Variants in LRIF1 observed in about 807,000 individuals in gnomAD.
LRIF1 encodes the protein ligand dependent nuclear receptor interacting factor 1, also known as ligand-dependent nuclear receptor-interacting factor 1.
A neutral mutation model predicts 52.7 loss-of-function variants in LRIF1; 32 were observed. That is an observed-to-expected ratio of 0.61 (90% CI 0.46 to 0.82). The LOEUF (loss-of-function observed/expected upper bound fraction) is 0.82. LRIF1 is among the 40% of genes least tolerant of loss of function. The pLI, the probability that LRIF1 is intolerant of heterozygous loss-of-function variation, is 0.00. For missense variants in LRIF1, 887 were observed against 892.0 expected (o/e 0.99, Z 0.07); for synonymous variants, 323 against 317.4 (o/e 1.02, Z -0.19).
chr1:110,908,617 A>T, the LRIF1 span, among the ~76,000 whole-genome samples: 1 of 152,214 alleles, frequency 6.6e-6, no homozygotes, highest in African/African-American at 2.4e-5. Flanking sequence ...TTAATATCAG[A>T]ATAGACCAAG....
chr1:110,948,016 C>T lies in LRIF1; in HGVS notation c.2253G>A (p.Val751=), dbSNP rs940212158. The part of the protein sequence containing the change: ...RDEKIRRLKQ[V]LREKEAALEE... ...CAAGAGCTGCTTCTTTCTCTCTCAGCACCTGCTTAAGTCTTCTTATTTTTT... is the reference window on the plus strand; with the variant it reads ...CAAGAGCTGCTTCTTTCTCTCTCAGTACCTGCTTAAGTCTTCTTATTTTTT... The change falls in exon 4 of 4, where the codon GTG becomes GTA. Residue 751 remains valine, a synonymous_variant. Transcript: ENST00000369763. 5.0e-6 allele frequency: 8 copies of T among 1,609,162 alleles called. No homozygotes were observed. The highest frequency in any genetic ancestry group is 3.4e-5 in the Admixed American group (2 of 59,204).
the LRIF1 span, among the ~76,000 whole-genome samples, chr1:110,886,845 CAA>C: frequency 5.1e-5 from 2 of 38,904 alleles, no homozygotes; most frequent in South Asian, 2.7e-3. Context: ...ACTCTGTCTC[CAA>C]TATATATATA....
chr1:110,949,158 G>C (rs965203624), intron 3 of LRIF1, among the ~76,000 whole-genome samples: 5 of 151,750 alleles, frequency 3.3e-5, no homozygotes, highest in African/African-American at 1.2e-4. Context: ...TCGTTCTGTT[G>C]CCAGACTGGA....
the LRIF1 span, among the ~76,000 whole-genome samples, chr1:110,913,713 C>T: frequency 6.6e-6 from 1 of 152,222 alleles, no homozygotes; most frequent in Non-Finnish European, 1.5e-5. Context: ...TTAGTTTAGC[C>T]ACTGTGGAAA....
the LRIF1 span, among the ~76,000 whole-genome samples, chr1:110,879,563 G>GT: frequency 2.5e-4 from 38 of 151,064 alleles, no homozygotes; most frequent in East Asian, 9.7e-4. Context: ...CTCTTACACT[G>GT]TTTTTTTTTC....
At chr1:110,903,319 C>T in the LRIF1 span, among the ~76,000 whole-genome samples, 2 of 152,170 alleles carry the variant, frequency 1.3e-5, no homozygotes, top group African/African-American at 2.4e-5. Context: ...TGGCATCACC[C>T]TTCCCCTAAC....
the LRIF1 span, among the ~76,000 whole-genome samples, chr1:110,909,881 G>T: frequency 6.6e-6 from 1 of 151,896 alleles, no homozygotes; most frequent in Non-Finnish European, 1.5e-5. Context: ...GCGCCCAGCT[G>T]GGGTAGCTAT....
At position 110,952,774 on chromosome 1, in the gene LRIF1, G is replaced by A. The variant is rs762048159; in HGVS notation, c.110C>T (p.Ser37Leu). ...TAATTGCAGAAGATTTTTTCCATCC[G>A]AGCCAATCGTCTGAACTACTTGGTA... ...CMYQVVQTIG[S>L]DGKNLLQLLP... Residue 37 changes from serine to leucine, a missense_variant, in exon 2 of 4, where the codon TCG (serine) becomes TTG (leucine). Ser to Leu is a moderately radical substitution (Grantham distance 145). Coordinates refer to ENST00000369763, the MANE Select transcript of LRIF1 (RefSeq NM_018372.4). The A allele has an allele frequency of 5.6e-6, 9 of 1,612,148 alleles. No individual in the cohort carries two copies. The highest frequency in any genetic ancestry group is 2.2e-5 in the East Asian group (1 of 44,848).
At chr1:110,891,443 T>C in the LRIF1 span, 1 of 1,613,936 alleles carries the variant, frequency 6.2e-7, no homozygotes, top group Non-Finnish European at 8.5e-7. Context: ...CTGAAGTATG[T>C]CCTGTTTTTC....
the LRIF1 span, among the ~76,000 whole-genome samples, chr1:110,924,030 A>G: frequency 6.6e-6 from 1 of 152,182 alleles, no homozygotes; most frequent in Non-Finnish European, 1.5e-5. Context: ...TTACAAATAC[A>G]AAGAATGAAA....
chr1:110,952,873 T>A, intron 1 of LRIF1, 58 bp from the exon 2 acceptor site: 1 of 902,906 alleles, frequency 1.1e-6, no homozygotes, highest in Non-Finnish European at 1.5e-6. Flanking sequence ...ACATTTTATT[T>A]AAAAATAAAT....
chr1:110,958,205 C>T (rs1658789973), intron 1 of LRIF1, among the ~76,000 whole-genome samples: 1 of 152,204 alleles, frequency 6.6e-6, no homozygotes, highest in African/African-American at 2.4e-5. Context: ...AATCTCTGCT[C>T]TTACCAGAGA....
At position 110,951,399 on chromosome 1, in the gene LRIF1, G is replaced by A. The variant is rs1658467959; in HGVS notation, c.1485C>T (p.Val495=). The change falls in exon 2 of 4, where the codon GTC becomes GTT. Residue 495 remains valine (V), a synonymous_variant. Coordinates refer to ENST00000369763, the MANE Select transcript of LRIF1 (RefSeq NM_018372.4). The part of the protein sequence containing the change: ...GHNAPRKVTA[V]IYARKGSVLQ... ...GGACACTTCCTTTTCTAGCATAAAT[G>A]ACGGCTGTTACTTTTCTGGGGGCAT... is the stretch of plus-strand genomic sequence containing the variant. 6.2e-7 allele frequency: 1 copy of A among 1,614,068 alleles called. No homozygotes were observed. Among genetic ancestry groups the A allele is most frequent in the Non-Finnish European group, 8.5e-7 (1 of 1,179,976 alleles).
At chr1:110,901,374 C>A in the LRIF1 span, among the ~76,000 whole-genome samples, 1 of 151,516 alleles carries the variant, frequency 6.6e-6, no homozygotes, top group Admixed American at 6.6e-5. Flanking sequence ...GATGGGGTTT[C>A]AGCATTTTGG....
chr1:110,892,007 T>C, the LRIF1 span, among the ~76,000 whole-genome samples: 2 of 152,234 alleles, frequency 1.3e-5, no homozygotes, highest in East Asian at 3.8e-4. Flanking sequence ...CTCTACATGG[T>C]CATGGTTTCT....
chr1:110,954,201 C>T (rs142447854), intron 1 of LRIF1, among the ~76,000 whole-genome samples: 3 of 152,172 alleles, frequency 2.0e-5, no homozygotes, highest in Non-Finnish European at 2.9e-5. Context: ...TTCTGCAGCC[C>T]GAATAACATT....
At chr1:110,899,218 G>A in the LRIF1 span, 1 of 1,566,474 alleles carries the variant, frequency 6.4e-7, no homozygotes, top group Middle Eastern at 1.7e-4. Flanking sequence ...CTGTGGTGAA[G>A]AGACTTGTTT....
the LRIF1 span, among the ~76,000 whole-genome samples, chr1:110,904,133 C>A: frequency 6.6e-6 from 1 of 152,220 alleles, no homozygotes; most frequent in African/African-American, 2.4e-5. Flanking sequence ...AGCTAGAGTT[C>A]TAAGGTTTTC....
chr1:110,952,466 C>A lies in LRIF1; in HGVS notation c.418G>T (p.Val140Leu). 6.2e-7 allele frequency: 1 copy of A among 1,612,638 alleles called. No homozygotes were observed. The highest frequency in any genetic ancestry group is 8.5e-7 in the Non-Finnish European group (1 of 1,178,772). ...SSVSKVQSHG[V>L]KIDGLTMQTF... ...TGCATGGTGAGTCCATCAATTTTCA[C>A]ACCATGACTCTGAACTTTAGAAACT... Residue 140 changes from valine (V) to leucine (L), a missense_variant, in exon 2 of 4, where the codon GTG becomes TTG. Physicochemically the swap from Val to Leu is conservative, Grantham distance 32. Transcript: ENST00000369763.
Sources: allele counts gnomAD v4.1 joint callset (sites outside exome capture counted in the v4.1 genomes callset), GRCh38; gene constraint gnomAD v4.1.1; transcripts MANE v1.5; gene names NCBI Gene and HGNC (gene_info 2026-07-23, HGNC 2026-07-21).